Variants in DNAAF4 observed in about 807,000 individuals in gnomAD.
DNAAF4 encodes dynein axonemal assembly factor 4.
In DNAAF4, 43 loss-of-function variants were observed where a neutral mutation model predicts 51.8. The observed-to-expected ratio is 0.83, with a 90% CI of 0.65 to 1.07. The LOEUF is 1.07. Among genes scored for constraint, DNAAF4 ranks in the 50% least tolerant of loss-of-function variants. DNAAF4 has a pLI of 0.00. For missense variants in DNAAF4, 581 were observed against 493.0 expected (o/e 1.18, Z -1.69); for synonymous variants, 194 against 165.6 (o/e 1.17, Z -1.32).
chr15:55,467,780 G>A (rs1369683279), intron 4 of DNAAF4, among the ~76,000 whole-genome samples: 1 of 152,146 alleles, frequency 6.6e-6, no homozygotes, highest in Non-Finnish European at 1.5e-5. Context: ...TGCACTAGTA[G>A]TTGTCTGACA....
chr15:55,447,287 C>G (rs2057847752), intron 6 of DNAAF4, among the ~76,000 whole-genome samples: 1 of 151,380 alleles, frequency 6.6e-6, no homozygotes, highest in Non-Finnish European at 1.5e-5. Flanking sequence ...TCCTCACATC[C>G]CAGACTGGGC....
intron 7 of DNAAF4, chr15:55,418,232 A>G: frequency 6.4e-7 from 1 of 1,569,046 alleles, no homozygotes; most frequent in East Asian, 2.3e-5. Context: ...GGATAAGAAA[A>G]GTACTTCACC....
At chr15:55,456,738 C>T (rs1156704545) in intron 5 of DNAAF4, among the ~76,000 whole-genome samples, 6 of 152,202 alleles carry the variant, frequency 3.9e-5, no homozygotes, top group African/African-American at 1.4e-4. Context: ...TACATCCCCA[C>T]TGGGGAACCT....
At chr15:55,446,895 C>A (rs1384975908) in intron 6 of DNAAF4, among the ~76,000 whole-genome samples, 1 of 143,950 alleles carries the variant, frequency 6.9e-6, no homozygotes, top group African/African-American at 2.6e-5. Flanking sequence ...CAGAGGTGCT[C>A]CCCACTTCCC....
intron 5 of DNAAF4, among the ~76,000 whole-genome samples, chr15:55,452,950 T>C (rs2057959143): frequency 6.6e-6 from 1 of 152,140 alleles, no homozygotes; most frequent in South Asian, 2.1e-4. Flanking sequence ...CTCAGCCTCC[T>C]GAGTAGCTGG....
chr15:55,466,860 A>C (rs1331035406), intron 5 of DNAAF4, 70 bp downstream of exon 5: 4 of 1,545,474 alleles, frequency 2.6e-6, no homozygotes, highest in Non-Finnish European at 3.5e-6. Flanking sequence ...ATAGATTTAC[A>C]AAAAAAGAAA....
chr15:55,464,847 C>G lies in DNAAF4; in HGVS notation c.637+2083G>C, dbSNP rs533358896. 1.7e-3 allele frequency among the ~76,000 whole-genome samples: 265 copies of G among 152,156 alleles called. 1 individual carries two copies. The highest frequency in any genetic ancestry group is 2.5e-3 in the Non-Finnish European group (171 of 68,010). ...GTACATGCCTGTAATCCTAGCTACT[C>G]GGGAGGCTGAAGCAGGAGAATCGCT... On this transcript the variant is annotated intron_variant, in intron 5 of 9. Coordinates refer to ENST00000321149, the MANE Select transcript of DNAAF4 (RefSeq NM_130810.4).
chr15:55,433,493 G>C (rs1269652004), intron 8 of DNAAF4, among the ~76,000 whole-genome samples: 1 of 151,438 alleles, frequency 6.6e-6, no homozygotes, highest in African/African-American at 2.4e-5. Flanking sequence ...GGGTATGATG[G>C]CGGGCGCCTT....
At position 55,467,116 on chromosome 15, in the gene DNAAF4, C is replaced by A. The variant is rs1334480447; in HGVS notation, c.451G>T (p.Glu151Ter). ...AATGCTTTAGTGGCTTTTATCCGTTCATTTTCTTTCATATCTTCTATTTTT... is the reference window on the plus strand; with the variant it reads ...AATGCTTTAGTGGCTTTTATCCGTTAATTTTCTTTCATATCTTCTATTTTT... The part of the protein sequence containing the change: ...RKKIEDMKEN[E>*]RIKATKALEA... Residue 151 changes from glutamate (E) to a stop codon, truncating the protein, a stop_gained, in exon 5 of 10, where the codon GAA (glutamate) becomes TAA (stop). Transcript: ENST00000321149. LOFTEE classifies it high-confidence loss of function. 1 of 1,540,224 alleles carries A rather than the reference C, an allele frequency of 6.5e-7. No homozygotes were observed. The highest frequency in any genetic ancestry group is 8.7e-7 in the Non-Finnish European group (1 of 1,147,212).
intron 6 of DNAAF4, among the ~76,000 whole-genome samples, chr15:55,448,893 A>G (rs1046722144): frequency 6.6e-5 from 10 of 151,414 alleles, no homozygotes; most frequent in Non-Finnish European, 1.5e-4. Context: ...AATTATTATT[A>G]TTATTATAAC....
At chr15:55,450,445 A>C in intron 5 of DNAAF4, 78 bp from the exon 6 acceptor site, 1 of 1,439,896 alleles carries the variant, frequency 6.9e-7, no homozygotes, top group South Asian at 1.3e-5. Context: ...GTAATTACAC[A>C]TCAAAGCTCA....
In DNAAF4 at chr15:55,417,978, T is replaced by G. The variant is rs140776098; in HGVS notation, c.*57A>C. The G allele has an allele frequency of 2.4e-3, 1,649 of 676,196 alleles. 5 individuals carry two copies. The highest frequency in any genetic ancestry group is 3.4e-3 in the Non-Finnish European group (1,394 of 407,984). 41.9% of individuals were successfully genotyped at this position (676,196 alleles called of 1,614,324 possible). A position where few individuals can be genotyped will look rare whatever the true frequency, so the allele number is the denominator to read the frequency against. On this transcript the variant is annotated 3_prime_UTR_variant, in exon 8 of 8. Coordinates refer to the DNAAF4 transcript ENST00000448430. ...GGAGAAGGAATTTCACAAGGTAATG[T>G]CATCAGTTAAGGCAGGAACCGGCCA...
chr15:55,446,682 GA>G (rs2057826701), intron 6 of DNAAF4, among the ~76,000 whole-genome samples: 1 of 149,110 alleles, frequency 6.7e-6, no homozygotes, highest in East Asian at 2.0e-4. Context: ...TCACATCCCA[GA>G]CGGGGTGGCC....
At chr15:55,421,240 T>C (rs1158009713) in intron 7 of DNAAF4, among the ~76,000 whole-genome samples, 8 of 148,622 alleles carry the variant, frequency 5.4e-5, no homozygotes. Context: ...TGGCTCACAC[T>C]TAAAATCCCA....
chr15:55,481,363 T>C (rs575138465), intron 4 of DNAAF4, among the ~76,000 whole-genome samples: 8 of 152,290 alleles, frequency 5.3e-5, no homozygotes, highest in African/African-American at 1.9e-4. Context: ...GGGCCCCTGG[T>C]CAAGGATACT....
chr15:55,427,994 C>G (rs997086998), downstream of DNAAF4, among the ~76,000 whole-genome samples: 1 of 151,878 alleles, frequency 6.6e-6, no homozygotes, highest in Non-Finnish European at 1.5e-5. Flanking sequence ...CTCCTGTCAC[C>G]CAGGCCGTAG....
At position 55,491,111 on chromosome 15, in the gene DNAAF4, T is replaced by G; in HGVS notation, c.405+12A>C. On this transcript the variant is annotated intron_variant, in intron 4 of 9. Transcript: ENST00000321149. ...TCTCTTTAGAGGACTTGCCTGTCAT[T>G]CTGCAACTTACCTTCATCATGACAC... 1 of 1,613,968 alleles carries G rather than the reference T, an allele frequency of 6.2e-7. No homozygotes were observed. Among genetic ancestry groups the G allele is most frequent in the Admixed American group, 1.7e-5 (1 of 59,992 alleles).
At chr15:55,421,320 G>T (rs1325384551) in intron 7 of DNAAF4, among the ~76,000 whole-genome samples, 1 of 151,642 alleles carries the variant, frequency 6.6e-6, no homozygotes, top group African/African-American at 2.4e-5. Flanking sequence ...GGGCAACATG[G>T]TGAGACCACA....
At chr15:55,488,168 CAG>C (rs1336145036) in intron 4 of DNAAF4, among the ~76,000 whole-genome samples, 3 of 150,408 alleles carry the variant, frequency 2.0e-5, no homozygotes, top group Admixed American at 6.7e-5. Context: ...GCCCCAAAAA[CAG>C]AGAGTCTAAC....
Sources: allele counts gnomAD v4.1 joint callset (sites outside exome capture counted in the v4.1 genomes callset), GRCh38; gene constraint gnomAD v4.1.1; transcripts MANE v1.5; gene names NCBI Gene and HGNC (gene_info 2026-07-23, HGNC 2026-07-21).